The following DUSP29 variants were observed in gnomAD, a reference collection of about 807,000 sequenced individuals.
DUSP29 encodes dual specificity phosphatase 29, also known as atypical dual-specific protein phosphatase.
In DUSP29, 12 loss-of-function variants were observed where a neutral mutation model predicts 13.5. The ratio of observed to expected loss-of-function variants is 0.89; its 90% confidence interval spans 0.57 to 1.44. The LOEUF (loss-of-function observed/expected upper bound fraction) is 1.44. Ranked by LOEUF, DUSP29 falls within the 40% of genes most tolerant of loss-of-function variation. The pLI, the probability that DUSP29 is intolerant of heterozygous loss-of-function variation, is 0.00. For synonymous variants in DUSP29, 134 were observed against 128.7 expected, an observed-to-expected ratio of 1.04 and a Z score of -0.28; for missense variants, 308 against 301.1, an observed-to-expected ratio of 1.02 and a Z score of -0.17.
At chr10:75,053,919 C>G (rs1846899434) in intron 2 of DUSP29, among the ~76,000 whole-genome samples, 1 of 152,150 alleles carries the variant, frequency 6.6e-6, no homozygotes, top group South Asian at 2.1e-4. Flanking sequence ...TAAAATGGTT[C>G]CTCCTTTATA....
intron 3 of DUSP29, 48 bp downstream of exon 3, chr10:75,043,747 CGG>C: frequency 8.8e-7 from 1 of 1,130,172 alleles, no homozygotes; most frequent in African/African-American, 3.8e-5. Context: ...CGGGGCGAGT[CGG>C]GGCGGGGCGG....
intron 1 of DUSP29, among the ~76,000 whole-genome samples, chr10:75,064,884 A>C (rs931043981): frequency 1.1e-4 from 16 of 152,066 alleles, no homozygotes; most frequent in Non-Finnish European, 1.2e-4. Flanking sequence ...TCTGTTTCCT[A>C]ATTTGGGATT....
chr10:75,057,948 G>T (rs1269834081), intron 2 of DUSP29, among the ~76,000 whole-genome samples: 1 of 152,122 alleles, frequency 6.6e-6, no homozygotes, highest in Non-Finnish European at 1.5e-5. Flanking sequence ...CTGCTGTCTG[G>T]GTCCTAGAGT....
chr10:75,063,327 C>G (rs1341377096), intron 1 of DUSP29, among the ~76,000 whole-genome samples: 1 of 152,134 alleles, frequency 6.6e-6, no homozygotes, highest in African/African-American at 2.4e-5. Flanking sequence ...CTACAGGTGC[C>G]TACAGGTGCC....
chr10:75,039,828 T>G (rs1846547183), intron 3 of DUSP29, among the ~76,000 whole-genome samples: 1 of 152,124 alleles, frequency 6.6e-6, no homozygotes, highest in Non-Finnish European at 1.5e-5. Context: ...AGAAACAAGG[T>G]GCAAGGTGTA....
At chr10:75,046,270 C>T (rs1846705107) in intron 2 of DUSP29, among the ~76,000 whole-genome samples, 1 of 152,164 alleles carries the variant, frequency 6.6e-6, no homozygotes, top group Admixed American at 6.5e-5. Flanking sequence ...GAAGACACTT[C>T]CCTCAATAGC....
intron 2 of DUSP29, among the ~76,000 whole-genome samples, chr10:75,056,748 A>G (rs1296155365): frequency 6.6e-6 from 1 of 152,190 alleles, no homozygotes; most frequent in Non-Finnish European, 1.5e-5. Flanking sequence ...TAGTAGAAGT[A>G]TGCAAGTAAA....
chr10:75,059,624 G>T (rs1166349023), intron 1 of DUSP29, among the ~76,000 whole-genome samples: 4 of 152,110 alleles, frequency 2.6e-5, no homozygotes, highest in African/African-American at 7.2e-5. Flanking sequence ...AATTGAGGCT[G>T]TCTGTAGCAC....
At chr10:75,051,352 T>C (rs1169236422) in intron 2 of DUSP29, among the ~76,000 whole-genome samples, 2 of 152,224 alleles carry the variant, frequency 1.3e-5, no homozygotes, top group Non-Finnish European at 2.9e-5. Flanking sequence ...CATGTTTTGC[T>C]TGCATTAACG....
In DUSP29 at chr10:75,037,999, T is replaced by A. The variant is rs143287444; in HGVS notation, c.500A>T (p.Asp167Val). Residue 167 changes from aspartate (D) to valine (V), a missense_variant, in exon 4 of 4, where the codon GAC becomes GTC. Coordinates refer to ENST00000338487, the MANE Select transcript of DUSP29 (RefSeq NM_001003892.3). ...LVLAYLMIHK[D>V]MTLVDAIQQV... ...CTGGATGGCGTCCACCAGGGTCATG[T>A]CCTTGTGGATCATCAGGTAGGCCAG... 97 of 1,613,840 alleles carry A rather than the reference T, an allele frequency of 6.0e-5. No homozygotes were observed. Among genetic ancestry groups the A allele is most frequent in the African/African-American group, 8.0e-5 (6 of 74,904 alleles).
chr10:75,054,732 T>C (rs1174468639), intron 2 of DUSP29, among the ~76,000 whole-genome samples: 1 of 151,894 alleles, frequency 6.6e-6, no homozygotes, highest in Non-Finnish European at 1.5e-5. Context: ...CAGTGCACTA[T>C]TTTACACACA....
chr10:75,062,566 C>T lies in DUSP29; in HGVS notation c.-34-4018G>A, dbSNP rs1847114244. On this transcript the variant is annotated intron_variant, in intron 1 of 3. Coordinates refer to ENST00000338487, the MANE Select transcript of DUSP29 (RefSeq NM_001003892.3). Reference sequence around the variant, plus strand: ...CAGAGTGAGCCCTGGGATCTATTATCCTCCAGCACGCAGATTTGATGGGGA... The same window carrying T: ...CAGAGTGAGCCCTGGGATCTATTATTCTCCAGCACGCAGATTTGATGGGGA... Among the ~76,000 whole-genome samples the T allele has an allele frequency of 2.0e-5, 3 of 152,210 alleles. No homozygotes were observed. In the South Asian group the frequency reaches 6.2e-4, roughly 31 times the overall value.
intron 1 of DUSP29, among the ~76,000 whole-genome samples, chr10:75,065,765 G>A (rs1263519413): frequency 1.3e-5 from 2 of 151,366 alleles, no homozygotes; most frequent in East Asian, 1.9e-4. Context: ...ATCATGGCTC[G>A]CTGCAGCCTC....
chr10:75,062,359 G>A (rs10762651), intron 1 of DUSP29, among the ~76,000 whole-genome samples: 21,688 of 152,168 alleles, frequency 0.14, 2,324 homozygotes, highest in African/African-American at 0.29. Context: ...AGTCAATTCC[G>A]TTCTGAAACC....
intron 1 of DUSP29, among the ~76,000 whole-genome samples, chr10:75,063,505 G>T (rs1847133271): frequency 2.0e-5 from 3 of 152,058 alleles, no homozygotes; most frequent in South Asian, 2.1e-4. Flanking sequence ...CCAATTAGAG[G>T]CAGGAGTTGG....
intron 3 of DUSP29, among the ~76,000 whole-genome samples, chr10:75,040,644 G>C (rs1846561021): frequency 6.6e-6 from 1 of 152,210 alleles, no homozygotes; most frequent in South Asian, 2.1e-4. Context: ...AATAAGGGCA[G>C]AGGACTCTTC....
intron 1 of DUSP29, among the ~76,000 whole-genome samples, chr10:75,066,981 A>T (rs1847218292): frequency 7.0e-6 from 1 of 141,944 alleles, no homozygotes; most frequent in African/African-American, 2.7e-5. Context: ...TCTTTGAGAC[A>T]GAGTCTTACT....
At chr10:75,039,288 T>G (rs1320374276) in intron 3 of DUSP29, among the ~76,000 whole-genome samples, 9 of 152,202 alleles carry the variant, frequency 5.9e-5, no homozygotes, top group Admixed American at 5.9e-4. Flanking sequence ...GGTCCTTATG[T>G]TCTCACATAC....
In DUSP29 at chr10:75,060,115, G is replaced by A. The variant is rs185162307; in HGVS notation, c.-34-1567C>T. ...GCAGAGGTTGCAGTGAGCTGAGATC[G>A]CACCACTGCACTCCAGCCTGGGCAA... On this transcript the variant is annotated intron_variant, in intron 1 of 3. Coordinates refer to ENST00000338487, the MANE Select transcript of DUSP29 (RefSeq NM_001003892.3). Among the ~76,000 whole-genome samples the A allele has an allele frequency of 4.7e-3, 718 of 151,602 alleles. 3 individuals are homozygous for A. The highest frequency in any genetic ancestry group is 0.016 in the African/African-American group (678 of 41,288).
Sources: allele counts gnomAD v4.1 joint callset (sites outside exome capture counted in the v4.1 genomes callset), GRCh38; gene constraint gnomAD v4.1.1; transcripts MANE v1.5; gene names NCBI Gene and HGNC (gene_info 2026-07-23, HGNC 2026-07-21).